RORA: variants seen among roughly 807,000 people sequenced by gnomAD.
The protein encoded by RORA is nuclear receptor ROR-alpha.
A neutral mutation model predicts 69.5 loss-of-function variants in RORA; 7 were observed. The ratio of observed to expected loss-of-function variants is 0.10; its 90% CI spans 0.06 to 0.19. The LOEUF is 0.19. RORA is among the 10% of genes least tolerant of loss of function. The pLI, the probability that RORA is intolerant of heterozygous loss-of-function variation, is 1.00. For missense variants in RORA, 457 were observed against 663.0 expected (o/e 0.69, Z 3.41); for synonymous variants, 261 against 240.8 (o/e 1.08, Z -0.78).
chr15:60,742,785 T>C (rs1012452321), intron 1 of RORA, among the ~76,000 whole-genome samples: 6 of 152,322 alleles, frequency 3.9e-5, no homozygotes, highest in Admixed American at 6.5e-5. Context: ...TCTAGGTCCA[T>C]CCATGTTGTT....
chr15:60,681,065 A>G (rs758535715), intron 1 of RORA, among the ~76,000 whole-genome samples: 3 of 152,224 alleles, frequency 2.0e-5, no homozygotes, highest in African/African-American at 4.8e-5. Flanking sequence ...GGCAAATTTA[A>G]TGAAAAAAAT....
chr15:61,100,182 C>T (rs535700881), intron 1 of RORA, among the ~76,000 whole-genome samples: 12 of 146,708 alleles, frequency 8.2e-5, no homozygotes, highest in Admixed American at 2.1e-4. Context: ...TGCAGTGACA[C>T]GATCTCGGCT....
At chr15:61,137,449 C>A (rs1351573524) in intron 1 of RORA, among the ~76,000 whole-genome samples, 1 of 152,202 alleles carries the variant, frequency 6.6e-6, no homozygotes, top group East Asian at 1.9e-4. Flanking sequence ...GTTCTTCCTA[C>A]AAAATTAGTA....
chr15:60,948,284 A>T (rs1405693992), intron 1 of RORA, among the ~76,000 whole-genome samples: 1 of 152,240 alleles, frequency 6.6e-6, no homozygotes, highest in East Asian at 1.9e-4. Context: ...AGAAAAATAA[A>T]ATTGGATGAA....
intron 1 of RORA, among the ~76,000 whole-genome samples, chr15:61,087,036 G>C (rs146159495): frequency 6.6e-6 from 1 of 152,148 alleles, no homozygotes; most frequent in Non-Finnish European, 1.5e-5. Flanking sequence ...GCCAGCCATG[G>C]CAGTGTGGCC....
chr15:61,125,533 C>G (rs2079135971), intron 1 of RORA, among the ~76,000 whole-genome samples: 1 of 152,108 alleles, frequency 6.6e-6, no homozygotes, highest in Admixed American at 6.5e-5. Flanking sequence ...TCAGATTGTT[C>G]GTTAGATCAC....
chr15:60,664,559 C>A (rs188692813), intron 2 of RORA, among the ~76,000 whole-genome samples: 45 of 152,280 alleles, frequency 3.0e-4, no homozygotes, highest in African/African-American at 1.1e-3. Context: ...ATAGACGCCT[C>A]ATGAGAAAAG....
intron 1 of RORA, among the ~76,000 whole-genome samples, chr15:61,058,910 T>C (rs984129634): frequency 3.3e-5 from 5 of 152,188 alleles, no homozygotes; most frequent in African/African-American, 1.2e-4. Context: ...CAGGTTTCAT[T>C]TTGGAGGAAG....
chr15:61,036,635 G>A (rs1896472080), intron 1 of RORA, among the ~76,000 whole-genome samples: 1 of 151,952 alleles, frequency 6.6e-6, no homozygotes, highest in African/African-American at 2.4e-5. Flanking sequence ...AAAATGCCTG[G>A]TAATTCTCTC....
Position 60,511,906 on chromosome 15 carries a change from A to C in RORA, c.425-285T>G. On this transcript the variant is annotated intron_variant, in intron 4 of 10. Transcript: ENST00000335670. The surrounding 1 kb of genome is among the most constrained non-coding windows in gnomAD (Gnocchi z 6.4). ...GCCACTTCTGTTTCCCTGCTGTCACATCCCCCGTTTCCACTGCGCCCCACT... is the reference window on the plus strand; with the variant it reads ...GCCACTTCTGTTTCCCTGCTGTCACCTCCCCCGTTTCCACTGCGCCCCACT... 1 of 351,012 alleles carries C rather than the reference A, an allele frequency of 2.8e-6. No homozygotes were observed. The highest frequency in any genetic ancestry group is 5.2e-6 in the Non-Finnish European group (1 of 191,064). 21.7% of individuals were successfully genotyped at this position (351,012 alleles called of 1,614,324 possible). A position where few individuals can be genotyped will look rare whatever the true frequency, so the allele number is the denominator to read the frequency against.
intron 1 of RORA, among the ~76,000 whole-genome samples, chr15:61,064,563 G>T (rs1378297874): frequency 6.6e-6 from 1 of 152,146 alleles, no homozygotes; most frequent in Non-Finnish European, 1.5e-5. Flanking sequence ...TATTGATTCT[G>T]CAGGTCTACT....
chr15:60,791,969 AC>A (rs1423622559), intron 1 of RORA, among the ~76,000 whole-genome samples: 3 of 152,166 alleles, frequency 2.0e-5, no homozygotes, highest in Non-Finnish European at 4.4e-5. Flanking sequence ...ATAAAAACCA[AC>A]CCCAAGAATA....
chr15:60,649,406 G>C (rs2070107058), intron 2 of RORA, among the ~76,000 whole-genome samples: 1 of 152,072 alleles, frequency 6.6e-6, no homozygotes, highest in South Asian at 2.1e-4. Context: ...AGAAACCTAG[G>C]GACACTGACA....
chr15:60,915,638 T>C (rs932906817), intron 1 of RORA, among the ~76,000 whole-genome samples: 1 of 152,224 alleles, frequency 6.6e-6, no homozygotes, highest in African/African-American at 2.4e-5. Flanking sequence ...TTTTATATCA[T>C]TTTAATTAAT....
chr15:60,816,891 T>C (rs908660629), intron 1 of RORA, among the ~76,000 whole-genome samples: 1 of 152,218 alleles, frequency 6.6e-6, no homozygotes, highest in Non-Finnish European at 1.5e-5. Context: ...TCCTTTTATA[T>C]GTAGTCACAT....
intron 1 of RORA, among the ~76,000 whole-genome samples, chr15:60,917,419 G>GT (rs1392990210): frequency 6.6e-6 from 1 of 152,208 alleles, no homozygotes; most frequent in African/African-American, 2.4e-5. Context: ...TGTAAGGAGA[G>GT]TAACAGCGTT....
intron 7 of RORA, 83 bp from the exon 8 acceptor site, chr15:60,502,950 C>G: frequency 1.1e-6 from 1 of 876,008 alleles, no homozygotes; most frequent in Non-Finnish European, 2.0e-6. Context: ...TGTAGAGACT[C>G]CTTCTGCAAC....
chr15:61,096,388 C>A (rs754538851), intron 1 of RORA, among the ~76,000 whole-genome samples: 1 of 152,048 alleles, frequency 6.6e-6, no homozygotes, highest in Admixed American at 6.5e-5. Flanking sequence ...CATTTAGTAG[C>A]GACAATTCAC....
chr15:61,000,433 G>A (rs1388158577), intron 1 of RORA, among the ~76,000 whole-genome samples: 2 of 152,124 alleles, frequency 1.3e-5, no homozygotes, highest in Non-Finnish European at 2.9e-5. Flanking sequence ...TCCCATAATC[G>A]AAACGGATAA....
Sources: allele counts gnomAD v4.1 joint callset (sites outside exome capture counted in the v4.1 genomes callset), GRCh38; gene constraint gnomAD v4.1.1; non-coding constraint Gnocchi (gnomAD v3.1); transcripts MANE v1.5; gene names NCBI Gene and HGNC (gene_info 2026-07-23, HGNC 2026-07-21).